The following TCF4 variants were observed in gnomAD, a reference collection of about 807,000 sequenced individuals.
TCF4 encodes transcription factor 4.
In TCF4, 3 loss-of-function variants were observed where a neutral mutation model predicts 82.1. The observed-to-expected ratio is 0.04, with a 90% CI of 0.02 to 0.09. The LOEUF (loss-of-function observed/expected upper bound fraction) is 0.09. TCF4 is among the 10% of genes least tolerant of loss of function. The pLI, the probability that TCF4 is intolerant of heterozygous loss-of-function variation, is 1.00. For synonymous variants in TCF4, 276 were observed against 309.6 expected, an observed-to-expected ratio of 0.89 and a Z score of 1.14; for missense variants, 518 against 852.7, an observed-to-expected ratio of 0.61 and a Z score of 4.89.
At chr18:55,370,427 TGATAGATA>T (rs10566649) in intron 6 of TCF4, among the ~76,000 whole-genome samples, 3,739 of 145,044 alleles carry the variant, frequency 0.026, 71 homozygotes, top group South Asian at 0.04. Context: ...GATAGACAGA[TGATAGATA>T]GATAGATAGA....
At chr18:55,453,335 A>AC (rs2095664301) in intron 5 of TCF4, among the ~76,000 whole-genome samples, 1 of 152,224 alleles carries the variant, frequency 6.6e-6, no homozygotes, top group Admixed American at 6.5e-5. Context: ...GCAGGGACCT[A>AC]CCACCAGATT....
At chr18:55,475,851 C>A (rs9957467) in intron 3 of TCF4, among the ~76,000 whole-genome samples, 2,720 of 152,246 alleles carry the variant, frequency 0.018, 84 homozygotes, top group African/African-American at 0.063. Flanking sequence ...GCCCTGTGAC[C>A]TAGGTGGGAG....
At chr18:55,321,446 A>T in intron 8 of TCF4, 1 of 664,598 alleles carries the variant, frequency 1.5e-6, no homozygotes, top group Non-Finnish European at 2.6e-6. Context: ...CTCTGAAAGC[A>T]TCTATTTTTC....
At chr18:55,618,103 T>C (rs947985431) in intron 2 of TCF4, among the ~76,000 whole-genome samples, 2 of 152,164 alleles carry the variant, frequency 1.3e-5, no homozygotes, top group African/African-American at 4.8e-5. Flanking sequence ...TGGCCTTTAT[T>C]ATGTTGTGGC....
intron 5 of TCF4, among the ~76,000 whole-genome samples, chr18:55,447,433 A>C (rs1603470784): frequency 6.6e-6 from 1 of 152,152 alleles, no homozygotes; most frequent in African/African-American, 2.4e-5. Context: ...TATCTACCTG[A>C]TTCTTTTATT....
intron 8 of TCF4, among the ~76,000 whole-genome samples, chr18:55,298,327 C>T (rs531565606): frequency 6.6e-6 from 1 of 152,258 alleles, no homozygotes; most frequent in South Asian, 2.1e-4. Flanking sequence ...TTCCATTTTC[C>T]CATTTCAAAA....
intron 8 of TCF4, chr18:55,321,760 C>G: frequency 6.6e-7 from 1 of 1,526,252 alleles, no homozygotes; most frequent in Non-Finnish European, 8.8e-7. Context: ...CTTTTTTCTC[C>G]TCAGTACCAC....
At chr18:55,291,472 A>G (rs1297885994) in intron 8 of TCF4, among the ~76,000 whole-genome samples, 1 of 152,186 alleles carries the variant, frequency 6.6e-6, no homozygotes. Flanking sequence ...GCCATGGTAC[A>G]CTGTAAAATT....
intron 5 of TCF4, chr18:55,404,557 A>G (rs1212578128): frequency 1.3e-5 from 2 of 152,328 alleles, no homozygotes; most frequent in East Asian, 3.9e-4. Flanking sequence ...TCCAACAGGA[A>G]AACTCTAAAC....
At chr18:55,322,425 G>GAGAAAAAAAAAA in intron 8 of TCF4, 1 of 772,592 alleles carries the variant, frequency 1.3e-6, no homozygotes, top group Non-Finnish European at 1.5e-6. Context: ...GGGGAGGGAA[G>GAGAAAAAAAAAA]AAAAAAAAAA....
At chr18:55,365,249 GTATATATA>G (rs375008306) in intron 6 of TCF4, among the ~76,000 whole-genome samples, 1 of 127,412 alleles carries the variant, frequency 7.8e-6, no homozygotes, top group African/African-American at 3.1e-5. Flanking sequence ...ATATGTGTGT[GTATATATA>G]TATATATATA....
intron 2 of TCF4, among the ~76,000 whole-genome samples, chr18:55,623,317 A>G (rs192745372): frequency 3.5e-3 from 532 of 152,268 alleles, no homozygotes; most frequent in Middle Eastern, 0.017. Flanking sequence ...TCCCTTTTAT[A>G]TTTAACATAC....
intron 2 of TCF4, among the ~76,000 whole-genome samples, chr18:55,605,707 G>A (rs1222003460): frequency 1.3e-5 from 2 of 152,204 alleles, no homozygotes; most frequent in African/African-American, 4.8e-5. Flanking sequence ...TAAAGATGCG[G>A]CTACAATCAC....
intron 2 of TCF4, among the ~76,000 whole-genome samples, chr18:55,596,910 A>T (rs1437098297): frequency 6.6e-6 from 1 of 152,128 alleles, no homozygotes; most frequent in Non-Finnish European, 1.5e-5. Context: ...TCTCATGTCA[A>T]ATTGTAATCC....
At chr18:55,497,716 C>T (rs1161445664) in intron 3 of TCF4, among the ~76,000 whole-genome samples, 1 of 152,052 alleles carries the variant, frequency 6.6e-6, no homozygotes, top group Non-Finnish European at 1.5e-5. Flanking sequence ...ATTTAAAGAT[C>T]AAGTTAAATG....
intron 2 of TCF4, among the ~76,000 whole-genome samples, chr18:55,611,935 A>AT (rs969516301): frequency 7.9e-5 from 12 of 152,002 alleles, no homozygotes; most frequent in Admixed American, 2.6e-4. Flanking sequence ...TGCCCAGCTC[A>AT]TTTTTTTGTA....
Position 55,232,793 on chromosome 18 carries a change from TC to T in TCF4, c.1487-123del, listed in dbSNP as rs1371225164. On this transcript the variant is annotated intron_variant, in intron 16 of 19. Coordinates refer to ENST00000354452, the MANE Select transcript of TCF4 (RefSeq NM_001083962.2). ...CTGTGATCCTTCTGTCACTTTTTTT[TC>T]CCCCTGCTATCTGTTGAAGTTTCAA... The T allele has an allele frequency of 4.7e-6, 6 of 1,284,880 alleles. No individual in the cohort carries two copies. The African/African-American group carries it at 8.8e-5, about 19-fold the overall frequency. 79.6% of individuals were successfully genotyped at this position (1,284,880 alleles called of 1,614,324 possible).
chr18:55,450,466 T>C (rs185593685), intron 5 of TCF4, among the ~76,000 whole-genome samples: 8 of 152,352 alleles, frequency 5.3e-5, no homozygotes, highest in Admixed American at 5.2e-4. Flanking sequence ...TATTTTGCAA[T>C]TGTTAGTTCC....
chr18:55,316,385 T>C (rs1218189976), intron 8 of TCF4, among the ~76,000 whole-genome samples: 3 of 152,166 alleles, frequency 2.0e-5, no homozygotes, highest in African/African-American at 7.2e-5. Flanking sequence ...GACCATGTAT[T>C]TGACCTACAA....
Sources: gnomAD v4.1 joint callset for allele counts (sites outside exome capture counted in the v4.1 genomes callset) on GRCh38, gnomAD v4.1.1 for gene constraint, MANE v1.5 for transcripts, NCBI Gene and HGNC (gene_info 2026-07-23, HGNC 2026-07-21) for gene names.